Variants in HYAL4 observed in about 807,000 individuals in gnomAD.
HYAL4 encodes hyaluronidase-4.
In HYAL4, 37 loss-of-function variants were observed where a neutral mutation model predicts 35.2. That is an observed-to-expected ratio of 1.05 (90% CI 0.81 to 1.38). The LOEUF is 1.38. Among genes scored for constraint, HYAL4 ranks in the 40% most tolerant of loss-of-function variants. The pLI, the probability that HYAL4 is intolerant of heterozygous loss-of-function variation, is 0.00. For missense variants in HYAL4, 572 were observed against 572.4 expected (o/e 1.00, Z 0.01); for synonymous variants, 198 against 203.2 (o/e 0.97, Z 0.22).
chr7:123,815,811 A>G, the HYAL4 span, among the ~76,000 whole-genome samples: 1 of 152,202 alleles, frequency 6.6e-6, no homozygotes, highest in African/African-American at 2.4e-5. Flanking sequence ...AGTACCCAAC[A>G]CAGAAGCAGA....
At chr7:123,870,386 C>T (rs1390469430) in intron 3 of HYAL4, among the ~76,000 whole-genome samples, 3 of 152,136 alleles carry the variant, frequency 2.0e-5, no homozygotes, top group Admixed American at 2.0e-4. Flanking sequence ...CTGTTGTGAA[C>T]TTCTATTCAT....
the HYAL4 span, among the ~76,000 whole-genome samples, chr7:123,813,573 C>T: frequency 1.3e-5 from 2 of 152,106 alleles, no homozygotes; most frequent in Non-Finnish European, 2.9e-5. Flanking sequence ...TTATTTCAGC[C>T]TATGCTAGTT....
chr7:123,778,190 TATCTATC>T, the HYAL4 span, among the ~76,000 whole-genome samples: 1,124 of 143,412 alleles, frequency 7.8e-3, 32 homozygotes, highest in East Asian at 0.1. Flanking sequence ...TCTATCTATC[TATCTATC>T]ACCTATTCGT....
Position 123,876,841 on chromosome 7 carries a change from C to T in HYAL4, c.1132C>T (p.Leu378Phe). 3 of 1,614,146 alleles carry T rather than the reference C, an allele frequency of 1.9e-6. No homozygotes were observed. The highest frequency in any genetic ancestry group is 2.5e-6 in the Non-Finnish European group (3 of 1,179,976). The change falls in exon 5 of 5, where the codon CTT becomes TTT. Residue 378 changes from leucine (L) to phenylalanine (F), a missense_variant. Coordinates refer to ENST00000223026, the MANE Select transcript of HYAL4 (RefSeq NM_012269.3). ...GACCAGAGCTGCTGAGGTATGCAGCCTTCACCTCTGCAGGAACAATGGCAG... is the reference window on the plus strand; with the variant it reads ...GACCAGAGCTGCTGAGGTATGCAGCTTTCACCTCTGCAGGAACAATGGCAG... Reference protein sequence around the residue: ...NVTRAAEVCSLHLCRNNGRCI... With the variant: ...NVTRAAEVCSFHLCRNNGRCI...
intron 2 of HYAL4, among the ~76,000 whole-genome samples, chr7:123,863,102 C>T (rs551096377): frequency 6.6e-6 from 1 of 152,256 alleles, no homozygotes; most frequent in South Asian, 2.1e-4. Flanking sequence ...AGGAACAAAT[C>T]CTGCCTTATT....
Position 123,868,230 on chromosome 7 carries a change from A to G in HYAL4, c.-44A>G. The G allele has an allele frequency of 9.4e-7, 1 of 1,069,516 alleles. No homozygotes were observed. Among genetic ancestry groups the G allele is most frequent in the Non-Finnish European group, 1.3e-6 (1 of 749,632 alleles). The allele number at this position is 1,069,516 out of a possible 1,614,324, so 66.3% of individuals were successfully genotyped here. A position where few individuals can be genotyped will look rare whatever the true frequency, so the allele number is the denominator to read the frequency against. On this transcript the variant is annotated 5_prime_UTR_variant, in exon 3 of 5. Transcript: ENST00000223026. ...AATTAAATCTCTCCACAGGTCTTCT[A>G]GAGTGCACTAAAGCAGAAGATAACG...
chr7:123,767,942 CAATG>C, the HYAL4 span, among the ~76,000 whole-genome samples: 58 of 152,262 alleles, frequency 3.8e-4, no homozygotes, highest in African/African-American at 1.4e-3. Flanking sequence ...TTCAAATAAA[CAATG>C]AATAACTTTC....
At chr7:123,801,670 C>CT in the HYAL4 span, among the ~76,000 whole-genome samples, 2 of 151,986 alleles carry the variant, frequency 1.3e-5, no homozygotes, top group Non-Finnish European at 2.9e-5. Flanking sequence ...ATTTTATAAT[C>CT]TTTTTTCAGT....
At chr7:123,786,713 G>GCTTTCTATCTAT in the HYAL4 span, among the ~76,000 whole-genome samples, 19 of 148,462 alleles carry the variant, frequency 1.3e-4, no homozygotes, top group African/African-American at 3.7e-4. Context: ...TGTATCACAT[G>GCTTTCTATCTAT]CTATCTATCT....
At chr7:123,766,704 A>G in the HYAL4 span, among the ~76,000 whole-genome samples, 1 of 152,326 alleles carries the variant, frequency 6.6e-6, no homozygotes, top group African/African-American at 2.4e-5. Flanking sequence ...TAAGTACTAA[A>G]TGAGAAATTT....
chr7:123,813,081 C>T, the HYAL4 span, among the ~76,000 whole-genome samples: 4 of 151,930 alleles, frequency 2.6e-5, no homozygotes, highest in Non-Finnish European at 4.4e-5. Flanking sequence ...TGAGAGTTAG[C>T]GTACAATTTT....
the HYAL4 span, among the ~76,000 whole-genome samples, chr7:123,768,932 G>C: frequency 6.6e-6 from 1 of 152,096 alleles, no homozygotes; most frequent in African/African-American, 2.4e-5. Context: ...CTTTTTGTAT[G>C]CCACAGTCTG....
chr7:123,796,740 A>G, the HYAL4 span, among the ~76,000 whole-genome samples: 1 of 152,248 alleles, frequency 6.6e-6, no homozygotes, highest in Non-Finnish European at 1.5e-5. Flanking sequence ...TATACAATGG[A>G]ATATTATTCA....
upstream of HYAL4, among the ~76,000 whole-genome samples, chr7:123,840,279 C>T (rs970071879): frequency 7.9e-5 from 12 of 152,102 alleles, no homozygotes; most frequent in Non-Finnish European, 1.3e-4. Flanking sequence ...TCAGGTTTGT[C>T]AAAGATCAGA....
intron 2 of HYAL4, among the ~76,000 whole-genome samples, chr7:123,866,789 CTTTTTTTT>C (rs1009764748): frequency 7.5e-6 from 1 of 134,188 alleles, no homozygotes. Context: ...CTTTCTCTCT[CTTTTTTTT>C]TTTTTTTTTT....
At chr7:123,871,487 C>G (rs367710789) in intron 3 of HYAL4, among the ~76,000 whole-genome samples, 1 of 152,090 alleles carries the variant, frequency 6.6e-6, no homozygotes, top group Non-Finnish European at 1.5e-5. Flanking sequence ...CCACTGCGCC[C>G]GGCCCCGCCC....
the HYAL4 span, among the ~76,000 whole-genome samples, chr7:123,769,833 A>AC: frequency 1.2e-4 from 18 of 151,978 alleles, no homozygotes; most frequent in African/African-American, 1.9e-4. Context: ...AAAAAAAAAA[A>AC]AAACACCGTT....
chr7:123,848,512 A>G (rs985492137), intron 2 of HYAL4, among the ~76,000 whole-genome samples: 4 of 152,216 alleles, frequency 2.6e-5, no homozygotes, highest in African/African-American at 4.8e-5. Context: ...AACTTGTGAT[A>G]GCATCAAAAT....
At position 123,875,492 on chromosome 7, in the gene HYAL4, A is replaced by G. The variant is rs138599088; in HGVS notation, c.1044+642A>G. On this transcript the variant is annotated intron_variant, in intron 4 of 4. Transcript: ENST00000223026. ...ACTGACATGAAGAAAGCCAGTCTCT[A>G]CTAGAAATATAAAAATTAGGCGAGT... Among the ~76,000 whole-genome samples, 386 of 151,986 alleles carry G rather than the reference A, an allele frequency of 2.5e-3. 2 individuals are homozygous for G. Among genetic ancestry groups the G allele is most frequent in the African/African-American group, 9.0e-3 (374 of 41,464 alleles).
Sources: allele counts gnomAD v4.1 joint callset (sites outside exome capture counted in the v4.1 genomes callset), GRCh38; gene constraint gnomAD v4.1.1; transcripts MANE v1.5; gene names NCBI Gene and HGNC (gene_info 2026-07-23, HGNC 2026-07-21).